The following SNX14 variants were observed in gnomAD, a reference collection of about 807,000 sequenced individuals.
SNX14 encodes the protein sorting nexin 14.
In SNX14, 93 loss-of-function variants were observed where a neutral mutation model predicts 133.8. The ratio of observed to expected loss-of-function variants is 0.70; its 90% CI spans 0.59 to 0.83. The LOEUF (loss-of-function observed/expected upper bound fraction) is 0.83, where lower values mean the gene tolerates loss of function less well. Ranked by LOEUF, SNX14 falls within the 40% of genes least tolerant of loss-of-function variation. SNX14 has a pLI of 0.00. For missense variants in SNX14, 945 were observed against 1,094.9 expected, an observed-to-expected ratio of 0.86 and a Z score of 1.93; for synonymous variants, 368 against 365.6, an observed-to-expected ratio of 1.01 and a Z score of -0.07.
chr6:85,553,299 C>A (rs964323436), intron 7 of SNX14, among the ~76,000 whole-genome samples: 1 of 152,138 alleles, frequency 6.6e-6, no homozygotes, highest in Non-Finnish European at 1.5e-5. Flanking sequence ...TTATAAAAAA[C>A]GCATTTTAAA....
In SNX14 at chr6:85,548,389, A is replaced by G. The variant is rs764599081; in HGVS notation, c.792-13T>C. The G allele has an allele frequency of 2.6e-6, 4 of 1,552,508 alleles. No homozygotes were observed. The Admixed American group carries it at 5.8e-5, about 22-fold the overall frequency. ...TAAGGTCAGAGATCTGGAAAAAGAA[A>G]TAATAATAATTGTTTATATTTAGTG... On this transcript the variant is annotated splice_polypyrimidine_tract_variant and intron_variant, in intron 8 of 28. Coordinates refer to ENST00000314673, the MANE Select transcript of SNX14 (RefSeq NM_153816.6).
intron 27 of SNX14, 40 bp from the exon 28 acceptor site, chr6:85,507,329 C>T (rs1291777442): frequency 2.0e-6 from 3 of 1,516,386 alleles, no homozygotes; most frequent in East Asian, 4.5e-5. Flanking sequence ...TGTTAAGGCA[C>T]TAAACACAAA....
chr6:85,514,439 A>G (rs778648049), intron 24 of SNX14, 67 bp downstream of exon 24: 94 of 1,569,526 alleles, frequency 6.0e-5, no homozygotes, highest in Admixed American at 2.4e-4. Context: ...AATACTCAAG[A>G]TCATTATTTG....
intron 25 of SNX14, 37 bp from the exon 26 acceptor site, chr6:85,513,932 C>T: frequency 3.8e-6 from 6 of 1,579,944 alleles, no homozygotes; most frequent in Non-Finnish European, 5.2e-6. Context: ...CTGGAATTTT[C>T]ATCTATTTAT....
intron 1 of SNX14, among the ~76,000 whole-genome samples, chr6:85,586,565 G>A (rs1800919739): frequency 1.3e-5 from 2 of 151,978 alleles, no homozygotes; most frequent in Non-Finnish European, 2.9e-5. Flanking sequence ...AGTTTTGTAT[G>A]GAAGTGATTT....
At chr6:85,524,408 A>G (rs575432284) in intron 21 of SNX14, among the ~76,000 whole-genome samples, 2 of 152,314 alleles carry the variant, frequency 1.3e-5, no homozygotes, top group African/African-American at 4.8e-5. Flanking sequence ...AATGAATGCC[A>G]AAGGCAAAGA....
chr6:85,533,863 G>A (rs1781011364), intron 17 of SNX14, 63 bp from the exon 18 acceptor site: 1 of 1,301,916 alleles, frequency 7.7e-7, no homozygotes, highest in Non-Finnish European at 1.1e-6. Flanking sequence ...CAGCATATGA[G>A]ATACAAGTAT....
At chr6:85,547,270 T>G in intron 11 of SNX14, 44 bp from the exon 12 acceptor site, 1 of 1,611,154 alleles carries the variant, frequency 6.2e-7, no homozygotes, top group Non-Finnish European at 8.5e-7. Context: ...ATAAATGAGT[T>G]CTAAAATTGT....
chr6:85,538,719 T>G, intron 16 of SNX14, 119 bp downstream of exon 16: 1 of 721,202 alleles, frequency 1.4e-6, no homozygotes, highest in South Asian at 2.1e-5. Flanking sequence ...ATAACTAGGA[T>G]ATAATGGCAG....
chr6:85,543,549 T>C (rs183948921), intron 13 of SNX14, 56 bp downstream of exon 13: 2 of 1,414,408 alleles, frequency 1.4e-6, no homozygotes, highest in East Asian at 5.1e-5. Flanking sequence ...AAACAGAAAA[T>C]AAATGGAAAA....
chr6:85,574,378 C>A lies in SNX14; in HGVS notation c.141G>T (p.Arg47Ser). 2 of 1,523,056 alleles carry A rather than the reference C, an allele frequency of 1.3e-6. No individual in the cohort carries two copies. Among genetic ancestry groups the A allele is most frequent in the Non-Finnish European group, 1.8e-6 (2 of 1,121,204 alleles). 94.3% of individuals were successfully genotyped at this position (1,523,056 alleles called of 1,614,324 possible). The change falls in exon 2 of 29, where the codon AGG becomes AGT. Residue 47 changes from arginine (R) to serine (S), a missense_variant and splice_region_variant. Transcript: ENST00000314673. ...CLSAASLLLN[R>S]YIHILMIFWS... ...AGAAGATCATTAAAATATGAATATA[C>A]CTTAAAAATAAATGAAAATAATTAT...
At chr6:85,513,722 C>T in intron 26 of SNX14, 78 bp downstream of exon 26, 1 of 1,070,516 alleles carries the variant, frequency 9.3e-7, no homozygotes, top group Non-Finnish European at 1.4e-6. Flanking sequence ...AAAAAATTAG[C>T]TTCAATAATT....
At chr6:85,563,096 A>G (rs754033798) in intron 6 of SNX14, among the ~76,000 whole-genome samples, 11 of 152,150 alleles carry the variant, frequency 7.2e-5, no homozygotes, top group Non-Finnish European at 1.5e-4. Flanking sequence ...TCAAGTGTTC[A>G]TTGGCCATTT....
intron 17 of SNX14, 126 bp from the exon 18 acceptor site, chr6:85,533,926 G>T: frequency 2.7e-6 from 2 of 747,802 alleles, no homozygotes; most frequent in Non-Finnish European, 4.1e-6. Flanking sequence ...AAAGCTAGGT[G>T]ATATTAAATT....
At position 85,567,556 on chromosome 6, in the gene SNX14, T is replaced by C; in HGVS notation, c.439A>G (p.Asn147Asp). ...TACCTGTACCACGGATAAACAAAGT[T>C]TTCCAACACTAATTCAAGAACCTGC... Reference protein sequence around the residue: ...LSEVLELVLENFVYPWYRDVT... With the variant: ...LSEVLELVLEDFVYPWYRDVT... The change falls in exon 5 of 29, where the codon AAC becomes GAC. Residue 147 changes from asparagine to aspartate, a missense_variant. By Grantham distance (23) the Asn-to-Asp change is conservative. Around this residue, in one of 3 missense-constraint regions of SNX14, gnomAD observed 514 missense variants for 538.8 expected, o/e 0.95. Transcript: ENST00000314673. 6.6e-7 allele frequency: 1 copy of C among 1,508,812 alleles called. No homozygotes were observed. Among genetic ancestry groups the C allele is most frequent in the South Asian group, 1.3e-5 (1 of 75,214 alleles). The allele number at this position is 1,508,812 out of a possible 1,614,324, so 93.5% of individuals were successfully genotyped here.
At chr6:85,532,281 G>A (rs1348038096) in intron 18 of SNX14, among the ~76,000 whole-genome samples, 1 of 152,170 alleles carries the variant, frequency 6.6e-6, no homozygotes, top group Non-Finnish European at 1.5e-5. Context: ...AATGCTGAAA[G>A]AACAGCAACT....
intron 1 of SNX14, among the ~76,000 whole-genome samples, chr6:85,577,352 A>AGGCT (rs1342286853): frequency 2.0e-5 from 3 of 152,144 alleles, no homozygotes; most frequent in Admixed American, 2.0e-4. Flanking sequence ...TGGGAGGTGG[A>AGGCT]GGCTGCAGTA....
chr6:85,558,084 T>C (rs746813488), intron 6 of SNX14, 24 bp from the exon 7 acceptor site: 1 of 1,217,836 alleles, frequency 8.2e-7, no homozygotes, highest in South Asian at 1.3e-5. Context: ...AGATTAAAAC[T>C]TTTAAAATAA....
intron 7 of SNX14, among the ~76,000 whole-genome samples, chr6:85,557,753 A>C (rs1361276180): frequency 1.3e-5 from 2 of 152,224 alleles, no homozygotes; most frequent in East Asian, 3.8e-4. Context: ...TTCAAAACTG[A>C]TTAAGAGTGT....
Sources: allele counts gnomAD v4.1 joint callset (sites outside exome capture counted in the v4.1 genomes callset), GRCh38; gene constraint gnomAD v4.1.1; regional missense constraint gnomAD v4.1.1; transcripts MANE v1.5; gene names NCBI Gene and HGNC (gene_info 2026-07-23, HGNC 2026-07-21).